The following GCNT1 variants were observed in gnomAD, a reference collection of about 807,000 sequenced individuals.
GCNT1 encodes beta-1,3-galactosyl-O-glycosyl-glycoprotein beta-1,6-N-acetylglucosaminyltransferase.
GCNT1 carries 16 observed loss-of-function variants against 26.2 expected under a neutral mutation model. That is an observed-to-expected ratio of 0.61 (90% CI 0.41 to 0.93). The LOEUF is 0.93. Ranked by LOEUF, GCNT1 falls within the 40% of genes least tolerant of loss-of-function variation. The pLI, the probability that GCNT1 is intolerant of heterozygous loss-of-function variation, is 0.00. For missense variants in GCNT1, 477 were observed against 526.7 expected, an observed-to-expected ratio of 0.91 and a Z score of 0.92; for synonymous variants, 183 against 190.8, an observed-to-expected ratio of 0.96 and a Z score of 0.34.
chr9:76,421,767 G>A (rs1388249955), intron 1 of GCNT1, among the ~76,000 whole-genome samples: 2 of 125,236 alleles, frequency 1.6e-5, no homozygotes, highest in East Asian at 4.6e-4. Flanking sequence ...AATCACAGCT[G>A]TCTGCAGCCT....
chr9:76,413,095 T>C, the GCNT1 span, among the ~76,000 whole-genome samples: 2 of 152,238 alleles, frequency 1.3e-5, no homozygotes, highest in Non-Finnish European at 2.9e-5. Context: ...GTCTTCTCTC[T>C]GGGATCTGAA....
intron 2 of GCNT1, among the ~76,000 whole-genome samples, chr9:76,482,258 C>T (rs1478635365): frequency 6.6e-6 from 1 of 151,984 alleles, no homozygotes; most frequent in Non-Finnish European, 1.5e-5. Context: ...ATCTCCTACT[C>T]CCTAAAACTC....
chr9:76,503,355 C>T lies in GCNT1; in HGVS notation c.974C>T (p.Thr325Ile). 6.2e-7 allele frequency: 1 copy of T among 1,614,194 alleles called. No homozygotes were observed. Among genetic ancestry groups the T allele is most frequent in the Non-Finnish European group, 8.5e-7 (1 of 1,180,018 alleles). Residue 325 changes from threonine (T) to isoleucine (I), a missense_variant, in exon 4 of 4, where the codon ACC (threonine) becomes ATC (isoleucine). Coordinates refer to ENST00000376730, the MANE Select transcript of GCNT1 (RefSeq NM_001490.5). ...TYSPDEYLWA[T>I]IQRIPEVPGS... ...AGCCCTGATGAGTATCTCTGGGCCA[C>T]CATCCAAAGGATTCCTGAAGTCCCG...
At chr9:76,409,992 T>C in the GCNT1 span, among the ~76,000 whole-genome samples, 5 of 152,242 alleles carry the variant, frequency 3.3e-5, no homozygotes, top group Non-Finnish European at 7.3e-5. Context: ...TTTAAAATTT[T>C]TCTTGAGATT....
intron 2 of GCNT1, among the ~76,000 whole-genome samples, chr9:76,474,014 G>A (rs1013290251): frequency 2.6e-5 from 4 of 152,132 alleles, no homozygotes; most frequent in Non-Finnish European, 5.9e-5. Flanking sequence ...TAGAAGGATC[G>A]CTTTGAACCT....
chr9:76,431,991 C>G (rs1823343450), intron 1 of GCNT1, among the ~76,000 whole-genome samples: 1 of 152,138 alleles, frequency 6.6e-6, no homozygotes, highest in Non-Finnish European at 1.5e-5. Flanking sequence ...CACCCATAAT[C>G]CCAGCTTCTT....
chr9:76,414,731 C>T, the GCNT1 span, among the ~76,000 whole-genome samples: 2 of 152,136 alleles, frequency 1.3e-5, no homozygotes, highest in Non-Finnish European at 2.9e-5. Flanking sequence ...CATGCTAATG[C>T]ATTATAACGA....
At chr9:76,406,177 T>A in the GCNT1 span, among the ~76,000 whole-genome samples, 3 of 152,160 alleles carry the variant, frequency 2.0e-5, no homozygotes, top group Non-Finnish European at 4.4e-5. Flanking sequence ...TATATCATCT[T>A]TGGTGAAGTG....
intron 2 of GCNT1, among the ~76,000 whole-genome samples, chr9:76,462,623 A>G (rs185903977): frequency 2.6e-5 from 4 of 152,356 alleles, no homozygotes; most frequent in Admixed American, 2.0e-4. Flanking sequence ...ATGAACCTAT[A>G]TTTAAGATGG....
the GCNT1 span, among the ~76,000 whole-genome samples, chr9:76,409,144 C>T: frequency 2.6e-5 from 4 of 152,014 alleles, no homozygotes; most frequent in Non-Finnish European, 4.4e-5. Context: ...TAGACTTATT[C>T]AGAATGTATA....
chr9:76,487,676 TTTTC>T (rs1824616003), intron 2 of GCNT1, among the ~76,000 whole-genome samples: 1 of 152,118 alleles, frequency 6.6e-6, no homozygotes, highest in Non-Finnish European at 1.5e-5. Flanking sequence ...ATTCTCTTTT[TTTTC>T]TTCTTCGGTT....
At chr9:76,496,732 T>A (rs1824917923) in intron 2 of GCNT1, among the ~76,000 whole-genome samples, 1 of 152,216 alleles carries the variant, frequency 6.6e-6, no homozygotes, top group South Asian at 2.1e-4. Context: ...AATTTAGTAT[T>A]TTTGTATTTC....
Position 76,502,813 on chromosome 9 carries a change from T to G in GCNT1, c.432T>G (p.Tyr144Ter). 1 of 1,614,142 alleles carries G rather than the reference T, an allele frequency of 6.2e-7. No homozygotes were observed. Among genetic ancestry groups the G allele is most frequent in the Non-Finnish European group, 8.5e-7 (1 of 1,179,988 alleles). The change falls in exon 4 of 4, where the codon TAT becomes TAG. Residue 144 changes from tyrosine to a stop codon, truncating the protein, a stop_gained. Coordinates refer to ENST00000376730, the MANE Select transcript of GCNT1 (RefSeq NM_001490.5). LOFTEE classifies it high-confidence loss of function. ...TTGACAGGCTGCTGAGGGCCATCTA[T>G]ATGCCTCAGAATTTCTATTGCATTC... is the stretch of plus-strand genomic sequence containing the variant. Reference protein sequence around the residue: ...EMLDRLLRAIYMPQNFYCIHV... With the variant: ...EMLDRLLRAI
chr9:76,429,219 G>A (rs780598760), intron 1 of GCNT1, among the ~76,000 whole-genome samples: 3 of 151,928 alleles, frequency 2.0e-5, no homozygotes, highest in Admixed American at 6.6e-5. Flanking sequence ...CACTTTGTTC[G>A]GTTTTTTTCT....
At chr9:76,436,872 A>C (rs1823417613), upstream of GCNT1, among the ~76,000 whole-genome samples, 1 of 152,034 alleles carries the variant, frequency 6.6e-6, no homozygotes, top group Non-Finnish European at 1.5e-5. Context: ...AAAACCAAAC[A>C]CTGCATGTTC....
intron 1 of GCNT1, among the ~76,000 whole-genome samples, chr9:76,421,962 G>A (rs149492926): frequency 0.024 from 3,626 of 152,064 alleles, 146 homozygotes; most frequent in African/African-American, 0.081. Flanking sequence ...AAAGAAAAGA[G>A]GTTTAATTGA....
chr9:76,470,603 C>CAA (rs10564028), intron 2 of GCNT1, among the ~76,000 whole-genome samples: 5 of 94,216 alleles, frequency 5.3e-5, no homozygotes, highest in South Asian at 3.6e-4. Flanking sequence ...GACCCTGTCC[C>CAA]AAAAAAAAAA....
chr9:76,467,233 G>A (rs1209884642), intron 2 of GCNT1, among the ~76,000 whole-genome samples: 1 of 152,094 alleles, frequency 6.6e-6, no homozygotes, highest in African/African-American at 2.4e-5. Flanking sequence ...TAGTAGAGAT[G>A]GGGTTTCACC....
At chr9:76,429,214 T>C (rs1280385976) in intron 1 of GCNT1, among the ~76,000 whole-genome samples, 1 of 152,204 alleles carries the variant, frequency 6.6e-6, no homozygotes, top group East Asian at 1.9e-4. Flanking sequence ...TCAGTCACTT[T>C]GTTCGGTTTT....
Sources: allele counts gnomAD v4.1 joint callset (sites outside exome capture counted in the v4.1 genomes callset), GRCh38; gene constraint gnomAD v4.1.1; transcripts MANE v1.5; gene names NCBI Gene and HGNC (gene_info 2026-07-23, HGNC 2026-07-21).